Variants in GPR137C observed in about 807,000 individuals in gnomAD.
GPR137C encodes G protein-coupled receptor 137C, also known as integral membrane protein GPR137C.
GPR137C carries 27 observed loss-of-function variants against 43.4 expected under a neutral mutation model. The observed-to-expected ratio is 0.62, with a 90% CI of 0.46 to 0.86. GPR137C has a LOEUF of 0.86. GPR137C is among the 40% of genes least tolerant of loss of function. GPR137C has a pLI of 0.00. For missense variants in GPR137C, 522 were observed against 534.6 expected (o/e 0.98, Z 0.23); for synonymous variants, 285 against 226.9 (o/e 1.26, Z -2.30).
intron 3 of GPR137C, among the ~76,000 whole-genome samples, chr14:52,624,570 A>C (rs900463264): frequency 8.7e-6 from 1 of 115,412 alleles, no homozygotes; most frequent in Non-Finnish European, 2.1e-5. Flanking sequence ...CAAAAAATAC[A>C]AAAATTAGCC....
intron 1 of GPR137C, among the ~76,000 whole-genome samples, chr14:52,584,539 T>C (rs1011583696): frequency 6.6e-6 from 1 of 152,174 alleles, no homozygotes; most frequent in Non-Finnish European, 1.5e-5. Flanking sequence ...ATTTTTATTA[T>C]AGAAATGTGT....
At chr14:52,555,686 A>G (rs1321125344) in intron 1 of GPR137C, among the ~76,000 whole-genome samples, 1 of 152,198 alleles carries the variant, frequency 6.6e-6, no homozygotes, top group East Asian at 1.9e-4. Flanking sequence ...ATAAAACTCT[A>G]TTAACCTGAA....
At chr14:52,622,328 G>A (rs975225908) in intron 3 of GPR137C, among the ~76,000 whole-genome samples, 11 of 151,814 alleles carry the variant, frequency 7.2e-5, no homozygotes, top group African/African-American at 2.7e-4. Context: ...TTGTAACATC[G>A]CGCATTAATC....
chr14:52,631,357 C>T (rs750508630), intron 3 of GPR137C, among the ~76,000 whole-genome samples: 1 of 152,112 alleles, frequency 6.6e-6, no homozygotes, highest in Non-Finnish European at 1.5e-5. Flanking sequence ...CAACCAAACA[C>T]AAACTTCCAA....
intron 3 of GPR137C, 113 bp from the exon 4 acceptor site, chr14:52,632,047 A>G: frequency 3.1e-6 from 2 of 642,638 alleles, no homozygotes; most frequent in South Asian, 4.0e-5. Flanking sequence ...TTCAACAGGT[A>G]CTCAGTGCTT....
At chr14:52,634,743 G>A (rs148689145) in intron 6 of GPR137C, among the ~76,000 whole-genome samples, 195 bp from the exon 7 acceptor site, 26 of 152,094 alleles carry the variant, frequency 1.7e-4, no homozygotes, top group East Asian at 9.7e-4. Context: ...AACATACTGC[G>A]ATATAGAATC....
intron 1 of GPR137C, among the ~76,000 whole-genome samples, chr14:52,596,535 GC>G (rs2038858082): frequency 6.6e-6 from 1 of 152,210 alleles, no homozygotes; most frequent in Admixed American, 6.5e-5. Context: ...AATGGTGGAT[GC>G]CCCTCCCCCT....
intron 3 of GPR137C, among the ~76,000 whole-genome samples, chr14:52,605,960 A>T (rs1240051367): frequency 1.3e-5 from 2 of 152,116 alleles, no homozygotes; most frequent in Non-Finnish European, 2.9e-5. Context: ...TTTGTCAAGG[A>T]TGTTTGCATC....
rs1415197849 is a variant in GPR137C at position 52,553,220 on chromosome 14, G to A, written c.73G>A (p.Gly25Arg). ...AAGREPSTPG[G>R]GSGGGGAVAA... ...CGGCCGCGAGCCCTCCACGCCCGGCGGGGGCAGCGGAGGCGGAGGCGCCGT... is the reference window on the plus strand; with the variant it reads ...CGGCCGCGAGCCCTCCACGCCCGGCAGGGGCAGCGGAGGCGGAGGCGCCGT... Residue 25 changes from glycine to arginine, a missense_variant, in exon 1 of 7, where the codon GGG (glycine) becomes AGG (arginine). Around this residue, in one of 3 missense-constraint regions of GPR137C, gnomAD observed 437 missense variants for 425.7 expected, o/e 1.03. Transcript: ENST00000321662. 4 of 1,270,630 alleles carry A rather than the reference G, an allele frequency of 3.1e-6. No homozygotes were observed. In the East Asian group the frequency reaches 1.3e-4, roughly 41 times the overall value. 78.7% of individuals were successfully genotyped at this position (1,270,630 alleles called of 1,614,324 possible).
At position 52,579,055 on chromosome 14, in the gene GPR137C, T is replaced by C. The variant is rs375150846; in HGVS notation, c.445-19217T>C. Among the ~76,000 whole-genome samples the C allele has an allele frequency of 4.5e-4, 69 of 152,302 alleles. No homozygotes were observed. In the East Asian group the frequency reaches 0.013, roughly 29 times the overall value. On this transcript the variant is annotated intron_variant, in intron 1 of 6. Transcript: ENST00000321662. ...CTATTTGTTACAGAACCCCCGTTGCTAGTATGTTTAGATCTTTCTTCTTGG... is the reference window on the plus strand; with the variant it reads ...CTATTTGTTACAGAACCCCCGTTGCCAGTATGTTTAGATCTTTCTTCTTGG...
chr14:52,563,384 C>T (rs1030614093), intron 1 of GPR137C, among the ~76,000 whole-genome samples: 1 of 152,168 alleles, frequency 6.6e-6, no homozygotes, highest in Admixed American at 6.5e-5. Context: ...TCTGAGCTGG[C>T]TCTGTAGATT....
chr14:52,553,537 C>G lies in GPR137C; in HGVS notation c.390C>G (p.Phe130Leu), dbSNP rs2038129695. 6.2e-7 allele frequency: 1 copy of G among 1,609,122 alleles called. No homozygotes were observed. The highest frequency in any genetic ancestry group is 1.3e-5 in the African/African-American group (1 of 74,926). Residue 130 changes from phenylalanine to leucine, a missense_variant, in exon 1 of 7, where the codon TTC (phenylalanine) becomes TTG (leucine). This residue lies in a region of GPR137C where 437 missense variants were observed against 425.7 expected (regional missense o/e 1.03). Transcript: ENST00000321662. ...HFFPHWLLYC[F>L]PSCLQFSTLC... ...TCCCCCACTGGCTGCTCTACTGCTT[C>G]CCCTCCTGTCTCCAGTTCTCCACGC...
chr14:52,633,520 C>G lies in GPR137C; in HGVS notation c.868-10C>G, dbSNP rs372939010. ...AGATGTAAAAATTCTCTGCCATGCT[C>G]TATTTACAGGCTCATGTAGAAGACA... On this transcript the variant is annotated splice_polypyrimidine_tract_variant and intron_variant, in intron 4 of 6. Transcript: ENST00000321662. 8 of 1,609,644 alleles carry G rather than the reference C, an allele frequency of 5.0e-6. No individual in the cohort carries two copies. Among genetic ancestry groups the G allele is most frequent in the South Asian group, 1.1e-5 (1 of 90,446 alleles).
intron 3 of GPR137C, among the ~76,000 whole-genome samples, chr14:52,627,954 A>G (rs2139577998): frequency 6.6e-6 from 1 of 152,326 alleles, no homozygotes; most frequent in Admixed American, 6.5e-5. Context: ...AGCTAGCCAA[A>G]TGTGACTTAA....
intron 3 of GPR137C, chr14:52,612,594 C>A: frequency 6.4e-6 from 5 of 782,882 alleles, no homozygotes; most frequent in Non-Finnish European, 6.2e-6. Flanking sequence ...CACATTCTCA[C>A]TGTGTCACCC....
At chr14:52,610,677 C>T (rs921564932) in intron 3 of GPR137C, among the ~76,000 whole-genome samples, 1 of 152,128 alleles carries the variant, frequency 6.6e-6, no homozygotes, top group South Asian at 2.1e-4. Flanking sequence ...AAGGAGGGGA[C>T]GACTGTAGTA....
chr14:52,568,316 G>C (rs2038404932), intron 1 of GPR137C, among the ~76,000 whole-genome samples: 1 of 152,134 alleles, frequency 6.6e-6, no homozygotes. Flanking sequence ...CTGCAAACCA[G>C]GAGATTCCCT....
chr14:52,568,588 A>T (rs1787178496), intron 1 of GPR137C, among the ~76,000 whole-genome samples: 1 of 152,118 alleles, frequency 6.6e-6, no homozygotes, highest in Non-Finnish European at 1.5e-5. Context: ...GCGAGACCTG[A>T]GACACTGGAG....
At chr14:52,561,946 A>G (rs535279216) in intron 1 of GPR137C, among the ~76,000 whole-genome samples, 1 of 152,206 alleles carries the variant, frequency 6.6e-6, no homozygotes, top group Admixed American at 6.5e-5. Context: ...TACACCTTAA[A>G]TGCATGCAGT....
Sources: allele counts gnomAD v4.1 joint callset (sites outside exome capture counted in the v4.1 genomes callset), GRCh38; gene constraint gnomAD v4.1.1; regional missense constraint gnomAD v4.1.1; transcripts MANE v1.5; gene names NCBI Gene and HGNC (gene_info 2026-07-23, HGNC 2026-07-21).